Variants in ASXL2 observed in about 807,000 individuals in gnomAD.
ASXL2 encodes the protein putative Polycomb group protein ASXL2.
Under a neutral mutation model 122.0 loss-of-function variants are expected in ASXL2, and 23 were observed. That is an observed-to-expected ratio of 0.19 (90% CI 0.14 to 0.27). ASXL2 has a LOEUF of 0.27. ASXL2 is among the 10% of genes least tolerant of loss of function. ASXL2 has a pLI of 1.00. For synonymous variants in ASXL2, 650 were observed against 637.0 expected (o/e 1.02, Z -0.31); for missense variants, 1,518 against 1,713.8 (o/e 0.89, Z 2.02).
At chr2:25,748,661 A>ATATAAATTATCCATTTATATC (rs1380493450) in intron 12 of ASXL2, among the ~76,000 whole-genome samples, 4 of 152,218 alleles carry the variant, frequency 2.6e-5, no homozygotes, top group Non-Finnish European at 5.9e-5. Context: ...TATCCTAATG[A>ATATAAATTATCCATTTATATC]GTAATATTCA....
intron 3 of ASXL2, among the ~76,000 whole-genome samples, chr2:25,826,762 T>TAAAAAAAAAAAA (rs55765302): frequency 2.9e-5 from 2 of 68,084 alleles, no homozygotes; most frequent in Non-Finnish European, 5.2e-5. Flanking sequence ...ACTTTCAAGG[T>TAAAAAAAAAAAA]AAAAAAAAAA....
At chr2:25,753,840 A>G (rs1013028460) in intron 10 of ASXL2, among the ~76,000 whole-genome samples, 10 of 152,206 alleles carry the variant, frequency 6.6e-5, no homozygotes, top group African/African-American at 1.9e-4. Context: ...CACTCCAGGT[A>G]GCTTTCAGTA....
intron 1 of ASXL2, among the ~76,000 whole-genome samples, chr2:25,858,537 A>G (rs966569549): frequency 3.3e-5 from 5 of 151,936 alleles, no homozygotes; most frequent in African/African-American, 1.2e-4. Context: ...ATTCTGGCCA[A>G]CATGGTGAAA....
intron 5 of ASXL2, among the ~76,000 whole-genome samples, chr2:25,774,782 A>C (rs1016125663): frequency 2.0e-5 from 3 of 152,192 alleles, no homozygotes; most frequent in Non-Finnish European, 4.4e-5. Context: ...CAGTTTTCCA[A>C]AATGTTTGTA....
intron 3 of ASXL2, among the ~76,000 whole-genome samples, chr2:25,834,022 G>A (rs1002910683): frequency 1.3e-5 from 2 of 152,092 alleles, no homozygotes; most frequent in African/African-American, 4.8e-5. Flanking sequence ...TTTTGCTTAA[G>A]TTATTCACAT....
chr2:25,791,900 G>C (rs2088840011), intron 5 of ASXL2, among the ~76,000 whole-genome samples: 1 of 152,090 alleles, frequency 6.6e-6, no homozygotes, highest in Admixed American at 6.5e-5. Flanking sequence ...CAACTTTAAG[G>C]GTGGGGTTGA....
At chr2:25,857,156 G>T (rs1229065154) in intron 1 of ASXL2, among the ~76,000 whole-genome samples, 1 of 149,564 alleles carries the variant, frequency 6.7e-6, no homozygotes, top group Admixed American at 6.7e-5. Flanking sequence ...TTTCCAATAT[G>T]TGGTAAGCCA....
At chr2:25,834,852 T>G (rs1236272798) in intron 3 of ASXL2, among the ~76,000 whole-genome samples, 1 of 152,178 alleles carries the variant, frequency 6.6e-6, no homozygotes, top group Non-Finnish European at 1.5e-5. Context: ...AGACGGAGTC[T>G]TGCTGTGTTG....
intron 8 of ASXL2, among the ~76,000 whole-genome samples, chr2:25,767,189 C>T (rs1448489360): frequency 2.0e-5 from 3 of 152,156 alleles, no homozygotes; most frequent in Admixed American, 6.5e-5. Context: ...TAATCATACG[C>T]CCTTCTATCT....
intron 1 of ASXL2, among the ~76,000 whole-genome samples, chr2:25,873,067 T>C (rs975897058): frequency 2.0e-5 from 3 of 152,064 alleles, no homozygotes; most frequent in African/African-American, 4.8e-5. Context: ...ACCCAATGTG[T>C]AGTCTTTTAT....
chr2:25,796,077 G>A (rs922122216), intron 5 of ASXL2, among the ~76,000 whole-genome samples: 1 of 152,122 alleles, frequency 6.6e-6, no homozygotes, highest in East Asian at 1.9e-4. Flanking sequence ...TACAAAGTTC[G>A]CTCAAATTAT....
intron 5 of ASXL2, among the ~76,000 whole-genome samples, chr2:25,793,358 T>A (rs1480185885): frequency 2.0e-5 from 3 of 152,182 alleles, no homozygotes; most frequent in Non-Finnish European, 4.4e-5. Context: ...TGAGTTTAAG[T>A]CAAAAGGTAC....
intron 8 of ASXL2, among the ~76,000 whole-genome samples, 177 bp from the exon 9 acceptor site, chr2:25,759,822 G>C (rs528533207): frequency 7.0e-4 from 106 of 152,184 alleles, no homozygotes; most frequent in Admixed American, 2.9e-3. Context: ...AACAAGTTTT[G>C]TTCATTTATA....
intron 3 of ASXL2, among the ~76,000 whole-genome samples, chr2:25,828,728 G>A (rs961782947): frequency 3.3e-5 from 5 of 149,894 alleles, no homozygotes; most frequent in Admixed American, 1.3e-4. Flanking sequence ...GGGAGGCTGA[G>A]GGAGGAGAAC....
chr2:25,780,814 G>A (rs765061885), intron 5 of ASXL2, among the ~76,000 whole-genome samples: 3 of 152,000 alleles, frequency 2.0e-5, no homozygotes, highest in African/African-American at 4.8e-5. Context: ...TTGGCCGGGC[G>A]TGGTGGCTCA....
chr2:25,852,077 T>G (rs1463706496), intron 1 of ASXL2, among the ~76,000 whole-genome samples: 1 of 152,172 alleles, frequency 6.6e-6, no homozygotes, highest in Non-Finnish European at 1.5e-5. Flanking sequence ...TACAGTAGTT[T>G]TGCAAAACTG....
Position 25,750,025 on chromosome 2 carries a change from T to C in ASXL2, c.1531A>G (p.Asn511Asp). The C allele has an allele frequency of 6.2e-7, 1 of 1,614,038 alleles. No homozygotes were observed. Among genetic ancestry groups the C allele is most frequent in the Non-Finnish European group, 8.5e-7 (1 of 1,179,890 alleles). Reference protein sequence around the residue: ...SEKNHLTTASNYNKSESQESL... With the variant: ...SEKNHLTTASDYNKSESQESL... The stretch of plus-strand genomic sequence containing the variant: ...TCTTGGCTTTCACTTTTGTTATAAT[T>C]AGAAGCTGTGGTGAGATGGTTCTTC... Residue 511 changes from asparagine (N) to aspartate (D), a missense_variant, in exon 12 of 13, where the codon AAT becomes GAT. This residue lies in a region of ASXL2 where 292 missense variants were observed against 293.5 expected (regional missense o/e 1.00). Transcript: ENST00000435504.
intron 2 of ASXL2, among the ~76,000 whole-genome samples, chr2:25,837,827 CA>C (rs567931078): frequency 5.3e-4 from 80 of 151,500 alleles, no homozygotes; most frequent in African/African-American, 1.7e-3. Context: ...AAAACAAAAC[CA>C]AGAGGCGGCC....
intron 5 of ASXL2, among the ~76,000 whole-genome samples, chr2:25,794,299 TC>T (rs2088880211): frequency 6.6e-6 from 1 of 152,150 alleles, no homozygotes; most frequent in South Asian, 2.1e-4. Context: ...CAGACCAAAA[TC>T]TAAACAAAAC....
Sources: allele counts gnomAD v4.1 joint callset (sites outside exome capture counted in the v4.1 genomes callset), GRCh38; gene constraint gnomAD v4.1.1; regional missense constraint gnomAD v4.1.1; transcripts MANE v1.5; gene names NCBI Gene and HGNC (gene_info 2026-07-23, HGNC 2026-07-21).